The following LSAMP variants were observed in gnomAD, a reference collection of about 807,000 sequenced individuals.
LSAMP encodes the protein limbic system associated membrane protein, also known as limbic system-associated membrane protein.
In LSAMP, 7 loss-of-function variants were observed where a neutral mutation model predicts 38.6. That is an observed-to-expected ratio of 0.18 (90% CI 0.10 to 0.34). LSAMP has a LOEUF of 0.34. Among genes scored for constraint, LSAMP ranks in the 10% least tolerant of loss-of-function variants. The pLI, the probability that LSAMP is intolerant of heterozygous loss-of-function variation, is 1.00. For synonymous variants in LSAMP, 154 were observed against 166.8 expected, an observed-to-expected ratio of 0.92 and a Z score of 0.59; for missense variants, 313 against 420.0, an observed-to-expected ratio of 0.75 and a Z score of 2.23.
intron 1 of LSAMP, among the ~76,000 whole-genome samples, chr3:116,432,494 T>A (rs1045090155): frequency 6.6e-6 from 1 of 151,836 alleles, no homozygotes; most frequent in African/African-American, 2.4e-5. Flanking sequence ...TTTATTTTTA[T>A]GCAAGAATGA....
At chr3:116,229,689 C>T (rs2046380750) in intron 1 of LSAMP, among the ~76,000 whole-genome samples, 1 of 152,152 alleles carries the variant, frequency 6.6e-6, no homozygotes, top group Non-Finnish European at 1.5e-5. Flanking sequence ...TTGTATTTCA[C>T]ATATTTAAAA....
intron 1 of LSAMP, among the ~76,000 whole-genome samples, chr3:116,181,780 T>C (rs1337589603): frequency 4.6e-5 from 7 of 151,982 alleles, no homozygotes; most frequent in Non-Finnish European, 1.5e-5. Flanking sequence ...CCAAGACTGA[T>C]TTTCCAATCA....
At chr3:116,347,138 C>G (rs2048073785) in intron 1 of LSAMP, among the ~76,000 whole-genome samples, 1 of 152,108 alleles carries the variant, frequency 6.6e-6, no homozygotes, top group South Asian at 2.1e-4. Context: ...TATGGCTATA[C>G]TTTGAGCATT....
chr3:115,961,818 G>A (rs4266192), intron 3 of LSAMP, among the ~76,000 whole-genome samples: 151,789 of 152,318 alleles, frequency 1, 75,633 homozygotes, highest in Non-Finnish European at 1. Flanking sequence ...CTTAAATAAC[G>A]CTGACAACAA....
chr3:115,925,039 G>T (rs371063722), intron 3 of LSAMP, among the ~76,000 whole-genome samples: 5 of 152,130 alleles, frequency 3.3e-5, no homozygotes, highest in African/African-American at 9.7e-5. Context: ...AAAATTCCCT[G>T]CCTGTGGGGC....
chr3:116,430,567 G>C (rs2049267003), intron 1 of LSAMP, among the ~76,000 whole-genome samples: 1 of 152,032 alleles, frequency 6.6e-6, no homozygotes, highest in South Asian at 2.1e-4. Flanking sequence ...TGGCAGAAGA[G>C]AAACTTGACA....
At chr3:116,287,531 C>T (rs1354157818) in intron 1 of LSAMP, among the ~76,000 whole-genome samples, 2 of 152,086 alleles carry the variant, frequency 1.3e-5, no homozygotes, top group Admixed American at 6.6e-5. Context: ...TCACTTACTA[C>T]AGCTTGGTGG....
chr3:116,137,043 T>C (rs887888561), intron 1 of LSAMP, among the ~76,000 whole-genome samples: 15 of 152,152 alleles, frequency 9.9e-5, no homozygotes, highest in African/African-American at 3.6e-4. Flanking sequence ...TTGTCTTTTC[T>C]GGCTTCCGAT....
intron 3 of LSAMP, among the ~76,000 whole-genome samples, chr3:115,871,435 G>T (rs1334207329): frequency 6.6e-6 from 1 of 152,044 alleles, no homozygotes; most frequent in Non-Finnish European, 1.5e-5. Context: ...AGGTTTCAGA[G>T]GCCCTTGAAG....
At chr3:115,839,843 C>T (rs140772897) in intron 6 of LSAMP, among the ~76,000 whole-genome samples, 37 of 152,316 alleles carry the variant, frequency 2.4e-4, no homozygotes, top group African/African-American at 8.7e-4. Flanking sequence ...TGATAGGATA[C>T]ACTTGTCTGA....
chr3:116,381,198 GTCTCT>G (rs772331715), intron 1 of LSAMP, among the ~76,000 whole-genome samples: 108 of 151,956 alleles, frequency 7.1e-4, no homozygotes, highest in Non-Finnish European at 1.3e-3. Context: ...ATTTCCCTTT[GTCTCT>G]TCTGACTAAA....
chr3:116,119,176 G>A (rs905786394), intron 1 of LSAMP, among the ~76,000 whole-genome samples: 1 of 151,958 alleles, frequency 6.6e-6, no homozygotes, highest in Non-Finnish European at 1.5e-5. Context: ...CAGAGAAAGG[G>A]AGCCAGAAAA....
At chr3:116,078,379 C>T (rs1336887858) in intron 2 of LSAMP, among the ~76,000 whole-genome samples, 2 of 151,878 alleles carry the variant, frequency 1.3e-5, no homozygotes, top group Admixed American at 6.6e-5. Context: ...GGCTGGAGCG[C>T]AGTGGCCTGA....
intron 2 of LSAMP, among the ~76,000 whole-genome samples, chr3:116,029,862 C>T (rs1940879914): frequency 6.6e-6 from 1 of 152,004 alleles, no homozygotes; most frequent in South Asian, 2.1e-4. Flanking sequence ...TTGAGCCCTA[C>T]ATTATTACAT....
chr3:115,958,438 A>G (rs1407514572), intron 3 of LSAMP, among the ~76,000 whole-genome samples: 1 of 152,202 alleles, frequency 6.6e-6, no homozygotes, highest in Non-Finnish European at 1.5e-5. Context: ...AAACGTTTCA[A>G]AGATGCTTGT....
At chr3:116,016,453 A>C (rs1158236069) in intron 3 of LSAMP, among the ~76,000 whole-genome samples, 1 of 152,202 alleles carries the variant, frequency 6.6e-6, no homozygotes, top group Non-Finnish European at 1.5e-5. Flanking sequence ...ACTGTAGAAG[A>C]GTAAAGTTGT....
At chr3:116,236,524 T>A (rs2046467534) in intron 1 of LSAMP, among the ~76,000 whole-genome samples, 1 of 152,122 alleles carries the variant, frequency 6.6e-6, no homozygotes, top group African/African-American at 2.4e-5. Context: ...CACTTTGATT[T>A]CACTTCTGAA....
chr3:116,344,114 G>T (rs1178191863), intron 1 of LSAMP, among the ~76,000 whole-genome samples: 1 of 152,108 alleles, frequency 6.6e-6, no homozygotes, highest in Non-Finnish European at 1.5e-5. Context: ...TGGCTCCTAT[G>T]GAAGCACGTG....
At chr3:115,973,589 C>T (rs1262028522) in intron 3 of LSAMP, among the ~76,000 whole-genome samples, 1 of 152,010 alleles carries the variant, frequency 6.6e-6, no homozygotes. Context: ...AAAAAGTTAC[C>T]CTGGCATGGT....
Sources: allele counts gnomAD v4.1 joint callset (sites outside exome capture counted in the v4.1 genomes callset), GRCh38; gene constraint gnomAD v4.1.1; transcripts MANE v1.5; gene names NCBI Gene and HGNC (gene_info 2026-07-23, HGNC 2026-07-21).